ATPSCKMT: variants seen among roughly 807,000 people sequenced by gnomAD.
The protein encoded by ATPSCKMT is ATP synthase subunit C lysine N-methyltransferase.
A neutral mutation model predicts 24.3 loss-of-function variants in ATPSCKMT; 24 were observed. The ratio of observed to expected loss-of-function variants is 0.99; its 90% confidence interval spans 0.71 to 1.39. The LOEUF (loss-of-function observed/expected upper bound fraction) is 1.39. ATPSCKMT is among the 40% of genes most tolerant of loss of function. ATPSCKMT has a pLI of 0.00. For synonymous variants in ATPSCKMT, 95 were observed against 110.5 expected, an observed-to-expected ratio of 0.86 and a Z score of 0.88; for missense variants, 311 against 298.4, an observed-to-expected ratio of 1.04 and a Z score of -0.31.
chr5:10,242,161 T>C (rs1005606697), intron 1 of ATPSCKMT, among the ~76,000 whole-genome samples: 4 of 152,206 alleles, frequency 2.6e-5, no homozygotes, highest in Non-Finnish European at 5.9e-5. Context: ...AAGTTTGCTG[T>C]ATTGATAGAC....
At chr5:10,246,358 C>T (rs1744928021) in intron 1 of ATPSCKMT, among the ~76,000 whole-genome samples, 1 of 151,766 alleles carries the variant, frequency 6.6e-6, no homozygotes, top group Admixed American at 6.6e-5. Context: ...TCACCTGAAC[C>T]GGGGAGGCAG....
intron 1 of ATPSCKMT, 106 bp downstream of exon 1, chr5:10,249,751 AC>A: frequency 6.8e-7 from 1 of 1,465,390 alleles, no homozygotes; most frequent in Non-Finnish European, 9.1e-7. Context: ...AGCCGCCCGC[AC>A]CCGGTCACCG....
chr5:10,236,969 A>C, intron 2 of ATPSCKMT: 1 of 1,318,970 alleles, frequency 7.6e-7, no homozygotes, highest in Admixed American at 2.3e-5. Flanking sequence ...GTGGGCTAGC[A>C]CAGCAGCAGT....
At chr5:10,240,225 C>G (rs887278792) in intron 1 of ATPSCKMT, among the ~76,000 whole-genome samples, 20 of 149,866 alleles carry the variant, frequency 1.3e-4, no homozygotes, top group African/African-American at 4.7e-4. Flanking sequence ...CAGAGCGAGA[C>G]TCTGTCTCAA....
intron 1 of ATPSCKMT, among the ~76,000 whole-genome samples, chr5:10,243,027 T>C (rs1194597191): frequency 6.6e-6 from 1 of 152,250 alleles, no homozygotes; most frequent in Non-Finnish European, 1.5e-5. Context: ...TTTAGCATCA[T>C]TCCTAAGGAC....
chr5:10,249,105 C>G (rs1477165881), intron 1 of ATPSCKMT, among the ~76,000 whole-genome samples: 5 of 152,138 alleles, frequency 3.3e-5, no homozygotes, highest in Non-Finnish European at 5.9e-5. Flanking sequence ...ACCGTCTCTA[C>G]TAAAAATACA....
At chr5:10,236,148 GAA>G in intron 3 of ATPSCKMT, 1 of 202,076 alleles carries the variant, frequency 4.9e-6, no homozygotes, top group Non-Finnish European at 1.0e-5. Flanking sequence ...CACACAAATG[GAA>G]AAGTCTAATA....
At chr5:10,248,685 C>T (rs2578619) in intron 1 of ATPSCKMT, among the ~76,000 whole-genome samples, 111,863 of 152,202 alleles carry the variant, frequency 0.73, 43,349 homozygotes, top group East Asian at 0.86. Flanking sequence ...TAGATGGGAA[C>T]ACAGTCGCCA....
chr5:10,237,829 C>T (rs930338350), intron 2 of ATPSCKMT, among the ~76,000 whole-genome samples: 1 of 152,136 alleles, frequency 6.6e-6, no homozygotes, highest in African/African-American at 2.4e-5. Context: ...TCACTTCAGC[C>T]TCCGCCTCCC....
intron 1 of ATPSCKMT, among the ~76,000 whole-genome samples, chr5:10,246,368 GA>G (rs1262315373): frequency 6.6e-6 from 1 of 151,998 alleles, no homozygotes; most frequent in African/African-American, 2.4e-5. Flanking sequence ...CGGGGAGGCA[GA>G]GGTTACAGTG....
rs777220500 is a variant in ATPSCKMT, at chr5:10,227,546, C to G, written c.597G>C (p.Thr199=). 6.2e-7 allele frequency: 1 copy of G among 1,614,200 alleles called. No homozygotes were observed. Among genetic ancestry groups the G allele is most frequent in the South Asian group, 1.1e-5 (1 of 91,086 alleles). ...PFPHWTPDHV[T]GEGIDTVWAY... is the part of the protein sequence containing the mutation. ...CCCACACTGTGTCTATCCCCTCCCC[C>G]GTGACGTGGTCTGGAGTCCAATGTG... The change falls in exon 5 of 5, where the codon ACG becomes ACC. Residue 199 remains threonine (T), a synonymous_variant. Coordinates refer to ENST00000511437, the MANE Select transcript of ATPSCKMT (RefSeq NM_199133.4).
At chr5:10,237,131 A>C (rs1388493944) in intron 2 of ATPSCKMT, 13 of 823,924 alleles carry the variant, frequency 1.6e-5, no homozygotes, top group Non-Finnish European at 2.1e-5. Context: ...AGTAAAATGA[A>C]ATGAATCCCA....
intron 4 of ATPSCKMT, among the ~76,000 whole-genome samples, chr5:10,232,309 A>G (rs551743557): frequency 2.0e-5 from 3 of 152,360 alleles, no homozygotes; most frequent in South Asian, 4.1e-4. Flanking sequence ...AATAATGGGT[A>G]TATTTAGACC....
rs1398772133 is a variant in ATPSCKMT, at chr5:10,226,110, T to G, written c.*1331A>C. Among the ~76,000 whole-genome samples, 1 of 152,222 alleles carries G rather than the reference T, an allele frequency of 6.6e-6. No homozygotes were observed. The highest frequency in any genetic ancestry group is 1.5e-5 in the Non-Finnish European group (1 of 68,034). On this transcript the variant is annotated 3_prime_UTR_variant, in exon 5 of 5. Coordinates refer to ENST00000511437, the MANE Select transcript of ATPSCKMT (RefSeq NM_199133.4). ...ACTCACACAGGTGCTCTCTACACCA[T>G]CACACTGTTTACTTCAGAGAACTCC...
At chr5:10,234,898 T>G (rs1744306085) in intron 4 of ATPSCKMT, among the ~76,000 whole-genome samples, 2 of 152,206 alleles carry the variant, frequency 1.3e-5, no homozygotes, top group Non-Finnish European at 2.9e-5. Context: ...GAAGTGGAAG[T>G]GAGCGGCTGT....
chr5:10,248,392 T>A (rs1308120618), intron 1 of ATPSCKMT: 1 of 152,178 alleles, frequency 6.6e-6, no homozygotes, highest in Non-Finnish European at 1.5e-5. Flanking sequence ...ATTGCAGAAG[T>A]CACCATTTTT....
chr5:10,233,892 CCAAT>C (rs1423157633), intron 4 of ATPSCKMT, among the ~76,000 whole-genome samples: 1 of 152,130 alleles, frequency 6.6e-6, no homozygotes, highest in Non-Finnish European at 1.5e-5. Context: ...ATCTATGATC[CCAAT>C]CAGTTTTTTA....
intron 1 of ATPSCKMT, among the ~76,000 whole-genome samples, chr5:10,240,228 T>C (rs1744576991): frequency 6.6e-6 from 1 of 150,438 alleles, no homozygotes; most frequent in Admixed American, 6.6e-5. Context: ...AGCGAGACTC[T>C]GTCTCAAAAA....
At chr5:10,236,886 T>C (rs1434138217) in intron 2 of ATPSCKMT, 8 of 1,422,412 alleles carry the variant, frequency 5.6e-6, no homozygotes, top group Non-Finnish European at 7.4e-6. Flanking sequence ...ACCTCCATAA[T>C]TGATTCTAGG....
Sources: gnomAD v4.1 joint callset for allele counts (sites outside exome capture counted in the v4.1 genomes callset) on GRCh38, gnomAD v4.1.1 for gene constraint, MANE v1.5 for transcripts, NCBI Gene and HGNC (gene_info 2026-07-23, HGNC 2026-07-21) for gene names.